Variants in GPR158 observed in about 807,000 individuals in gnomAD.
GPR158 encodes G protein-coupled receptor 158, also known as metabotropic glycine receptor.
Under a neutral mutation model 78.2 loss-of-function variants are expected in GPR158, and 30 were observed. That is an observed-to-expected ratio of 0.38 (90% CI 0.29 to 0.52). The LOEUF is 0.52. Among genes scored for constraint, GPR158 ranks in the 20% least tolerant of loss-of-function variants. The probability of loss-of-function intolerance (pLI) is 0.83; values close to 1 mark genes in which losing one functional copy is unlikely to be tolerated. For missense variants in GPR158, 1,463 were observed against 1,523.5 expected, an observed-to-expected ratio of 0.96 and a Z score of 0.66; for synonymous variants, 581 against 591.1, an observed-to-expected ratio of 0.98 and a Z score of 0.25.
chr10:25,177,344 G>A (rs985323150), intron 1 of GPR158, among the ~76,000 whole-genome samples: 89 of 152,170 alleles, frequency 5.8e-4, no homozygotes, highest in African/African-American at 2.1e-3. Flanking sequence ...TTAGGAGAGG[G>A]CCCAAGATGA....
intron 2 of GPR158, among the ~76,000 whole-genome samples, chr10:25,382,360 G>T (rs776002328): frequency 1.3e-5 from 2 of 152,102 alleles, no homozygotes; most frequent in Non-Finnish European, 2.9e-5. Context: ...CTATCCCTTA[G>T]CCCTGTTTTG....
chr10:25,535,333 A>G (rs893139389), intron 5 of GPR158, among the ~76,000 whole-genome samples: 11 of 151,642 alleles, frequency 7.3e-5, no homozygotes, highest in African/African-American at 2.2e-4. Flanking sequence ...TCATCTTGCT[A>G]GAAGACTCTC....
chr10:25,282,488 T>C (rs191198765), intron 2 of GPR158, among the ~76,000 whole-genome samples: 18 of 152,274 alleles, frequency 1.2e-4, no homozygotes, highest in Admixed American at 1.2e-3. Flanking sequence ...TCTTGGTATA[T>C]ACCTAGGTGT....
intron 1 of GPR158, among the ~76,000 whole-genome samples, chr10:25,214,781 T>C (rs1853183528): frequency 6.6e-6 from 1 of 151,930 alleles, no homozygotes; most frequent in African/African-American, 2.4e-5. Flanking sequence ...GGGAAGACCA[T>C]GTGAAGACAC....
intron 4 of GPR158, among the ~76,000 whole-genome samples, chr10:25,451,506 A>T (rs10764555): frequency 2.0e-5 from 3 of 152,010 alleles, no homozygotes; most frequent in Admixed American, 6.6e-5. Flanking sequence ...TTTCACACAC[A>T]TTTTTATATT....
chr10:25,180,419 G>A (rs1852598558), intron 1 of GPR158, among the ~76,000 whole-genome samples: 1 of 152,200 alleles, frequency 6.6e-6, no homozygotes, highest in African/African-American at 2.4e-5. Flanking sequence ...AGCCTGTATA[G>A]TCTTTCCACC....
intron 5 of GPR158, among the ~76,000 whole-genome samples, chr10:25,511,826 G>A (rs980962560): frequency 2.6e-5 from 4 of 151,948 alleles, no homozygotes; most frequent in Admixed American, 6.6e-5. Flanking sequence ...TTGATTTGTC[G>A]AAGATCAGTT....
At chr10:25,549,411 A>G (rs1227481899) in intron 5 of GPR158, among the ~76,000 whole-genome samples, 7 of 152,136 alleles carry the variant, frequency 4.6e-5, no homozygotes, top group South Asian at 2.1e-4. Context: ...TTGGAATACA[A>G]ATTTGTACAA....
At chr10:25,484,208 A>G (rs1414465122) in intron 5 of GPR158, among the ~76,000 whole-genome samples, 3 of 151,998 alleles carry the variant, frequency 2.0e-5, no homozygotes, top group Admixed American at 2.0e-4. Context: ...TGGCACACAC[A>G]CCCTGCAGCC....
At chr10:25,510,048 C>G (rs898575914) in intron 5 of GPR158, among the ~76,000 whole-genome samples, 1 of 152,140 alleles carries the variant, frequency 6.6e-6, no homozygotes. Context: ...TCCAAAGTCC[C>G]AATAACATCA....
chr10:25,434,242 T>C (rs1834966565), intron 4 of GPR158, among the ~76,000 whole-genome samples: 1 of 152,146 alleles, frequency 6.6e-6, no homozygotes, highest in Non-Finnish European at 1.5e-5. Context: ...AATTATGAGT[T>C]ATGAAGAATG....
chr10:25,407,663 T>C (rs12251917), intron 3 of GPR158, among the ~76,000 whole-genome samples: 14,483 of 152,174 alleles, frequency 0.095, 775 homozygotes, highest in East Asian at 0.17. Context: ...TTGGAGACAG[T>C]CTTGATGCTT....
chr10:25,497,417 C>T (rs540248008), intron 5 of GPR158, among the ~76,000 whole-genome samples: 12 of 152,232 alleles, frequency 7.9e-5, no homozygotes, highest in Admixed American at 2.0e-4. Context: ...GAACATAAAG[C>T]GCCTATTAAC....
chr10:25,473,658 C>T (rs569548973), intron 5 of GPR158, among the ~76,000 whole-genome samples: 2 of 152,152 alleles, frequency 1.3e-5, no homozygotes, highest in Non-Finnish European at 2.9e-5. Flanking sequence ...TTCTGGGATT[C>T]AACTTCTTTC....
chr10:25,329,529 G>C (rs1232248697), intron 2 of GPR158, among the ~76,000 whole-genome samples: 2 of 151,014 alleles, frequency 1.3e-5, no homozygotes, highest in Non-Finnish European at 2.9e-5. Context: ...ATTTGGATTT[G>C]TTAAGCCTGC....
intron 2 of GPR158, among the ~76,000 whole-genome samples, chr10:25,376,546 A>C (rs1046310744): frequency 6.6e-6 from 1 of 151,640 alleles, no homozygotes; most frequent in Non-Finnish European, 1.5e-5. Flanking sequence ...TAAACCATAC[A>C]TATTGATTTA....
chr10:25,466,872 C>A (rs1361634), intron 5 of GPR158, among the ~76,000 whole-genome samples, 153 bp downstream of exon 5: 81,738 of 151,832 alleles, frequency 0.54, 22,177 homozygotes, highest in East Asian at 0.8. Flanking sequence ...GAAAGAAAGA[C>A]TTTGGCCAAG....
chr10:25,318,911 A>T (rs1250424001), intron 2 of GPR158, among the ~76,000 whole-genome samples: 1 of 152,174 alleles, frequency 6.6e-6, no homozygotes, highest in African/African-American at 2.4e-5. Flanking sequence ...CTGCCTTTGA[A>T]ATGTTCTAAA....
intron 2 of GPR158, among the ~76,000 whole-genome samples, chr10:25,361,310 C>G (rs1425332145): frequency 6.6e-6 from 1 of 151,714 alleles, no homozygotes; most frequent in Non-Finnish European, 1.5e-5. Context: ...TTTCTATATA[C>G]CACATTTTGC....
Sources: allele counts gnomAD v4.1 joint callset (sites outside exome capture counted in the v4.1 genomes callset), GRCh38; gene constraint gnomAD v4.1.1; transcripts MANE v1.5; gene names NCBI Gene and HGNC (gene_info 2026-07-23, HGNC 2026-07-21).